ASIC2: variants seen among roughly 807,000 people sequenced by gnomAD.
ASIC2 encodes the protein acid-sensing ion channel 2.
A neutral mutation model predicts 57.3 loss-of-function variants in ASIC2; 25 were observed. That is an observed-to-expected ratio of 0.44 (90% confidence interval 0.32 to 0.61). ASIC2 has a LOEUF of 0.61. ASIC2 is among the 20% of genes least tolerant of loss of function. ASIC2 has a pLI of 0.06. For synonymous variants in ASIC2, 319 were observed against 307.5 expected (o/e 1.04, Z -0.39); for missense variants, 641 against 738.1 (o/e 0.87, Z 1.52).
intron 1 of ASIC2, among the ~76,000 whole-genome samples, chr17:33,940,532 C>T (rs1916165748): frequency 6.6e-6 from 1 of 152,036 alleles, no homozygotes; most frequent in South Asian, 2.1e-4. Flanking sequence ...ACATCCATCC[C>T]TTCCTTCCTT....
At chr17:33,114,651 T>G (rs1349546401) in intron 1 of ASIC2, among the ~76,000 whole-genome samples, 1 of 152,222 alleles carries the variant, frequency 6.6e-6, no homozygotes, top group African/African-American at 2.4e-5. Context: ...TGCCAAAGCA[T>G]GCCCAGTGCC....
chr17:33,409,635 G>C (rs1445632271), intron 1 of ASIC2, among the ~76,000 whole-genome samples: 2 of 152,192 alleles, frequency 1.3e-5, no homozygotes, highest in Non-Finnish European at 2.9e-5. Flanking sequence ...GTTAGGAGAG[G>C]AGCGTTTGCA....
intron 1 of ASIC2, among the ~76,000 whole-genome samples, chr17:33,714,346 GCAACA>G (rs1909144936): frequency 6.6e-6 from 1 of 152,064 alleles, no homozygotes; most frequent in Non-Finnish European, 1.5e-5. Context: ...AAATTTGGAA[GCAACA>G]CAAATATCCT....
At chr17:33,510,197 TCTAA>T (rs1481654872) in intron 1 of ASIC2, among the ~76,000 whole-genome samples, 3 of 152,198 alleles carry the variant, frequency 2.0e-5, no homozygotes, top group African/African-American at 7.2e-5. Flanking sequence ...AGCAGAGATC[TCTAA>T]CTGATGACCT....
intron 1 of ASIC2, among the ~76,000 whole-genome samples, chr17:33,526,977 A>T (rs1056531741): frequency 2.0e-5 from 3 of 152,062 alleles, no homozygotes; most frequent in African/African-American, 7.2e-5. Context: ...GATTATCTCT[A>T]TTTTCCAGCT....
intron 1 of ASIC2, among the ~76,000 whole-genome samples, chr17:33,503,659 G>C (rs1032359530): frequency 6.6e-6 from 1 of 152,150 alleles, no homozygotes; most frequent in Non-Finnish European, 1.5e-5. Flanking sequence ...TTGGAGCTCA[G>C]TGAGTGGTTG....
chr17:33,726,081 C>CT (rs1909551340), intron 1 of ASIC2, among the ~76,000 whole-genome samples: 6 of 152,184 alleles, frequency 3.9e-5, no homozygotes, highest in Non-Finnish European at 8.8e-5. Flanking sequence ...TGGCCCTGGA[C>CT]AGAAGGTAGA....
At chr17:33,593,552 C>G (rs538292317) in intron 1 of ASIC2, among the ~76,000 whole-genome samples, 2 of 152,282 alleles carry the variant, frequency 1.3e-5, no homozygotes, top group South Asian at 4.1e-4. Flanking sequence ...GCCTCTTGGT[C>G]AGGTTTTCTC....
chr17:33,265,466 C>T (rs1909426054), intron 1 of ASIC2, among the ~76,000 whole-genome samples: 1 of 152,086 alleles, frequency 6.6e-6, no homozygotes, highest in Non-Finnish European at 1.5e-5. Context: ...AATGAGAACA[C>T]ATGGACACAA....
At chr17:33,771,293 G>A (rs925615285) in intron 1 of ASIC2, among the ~76,000 whole-genome samples, 7 of 152,152 alleles carry the variant, frequency 4.6e-5, no homozygotes, top group African/African-American at 1.7e-4. Flanking sequence ...ATTCATCCCA[G>A]GTTGCACAGT....
chr17:33,681,477 C>T (rs754350916), intron 1 of ASIC2, among the ~76,000 whole-genome samples: 2 of 123,158 alleles, frequency 1.6e-5, no homozygotes, highest in Non-Finnish European at 3.2e-5. Flanking sequence ...TTGGGAACTA[C>T]CAGTTTAGGG....
At chr17:34,078,119 C>T (rs1333105683) in intron 1 of ASIC2, among the ~76,000 whole-genome samples, 1 of 152,136 alleles carries the variant, frequency 6.6e-6, no homozygotes, top group Non-Finnish European at 1.5e-5. Flanking sequence ...TCAGTAAAAC[C>T]CTCCATCCCT....
chr17:33,736,391 G>A (rs1219079606), intron 1 of ASIC2, among the ~76,000 whole-genome samples: 2 of 152,034 alleles, frequency 1.3e-5, no homozygotes, highest in Non-Finnish European at 2.9e-5. Flanking sequence ...TTTTGGAAGG[G>A]AAATACATTT....
At chr17:34,048,096 T>A (rs1908407199) in intron 1 of ASIC2, among the ~76,000 whole-genome samples, 1 of 152,150 alleles carries the variant, frequency 6.6e-6, no homozygotes, top group Non-Finnish European at 1.5e-5. Flanking sequence ...CGGAAGCCCA[T>A]CCATTGGGAG....
Position 34,137,148 on chromosome 17 carries a change from ATTAT to A in ASIC2, c.555+18826_555+18829del, listed in dbSNP as rs1386396254. Among the ~76,000 whole-genome samples the A allele has an allele frequency of 5.9e-5, 9 of 152,336 alleles. No homozygotes were observed. The South Asian group carries it at 8.3e-4, about 14-fold the overall frequency. The stretch of plus-strand genomic sequence containing the variant: ...TTCTTTCATGACAGTTCTAATTAAA[ATTAT>A]TTGTTTGTATATCTGTAACCTTCTA... On this transcript the variant is annotated intron_variant, in intron 1 of 9. Coordinates refer to the ASIC2 transcript ENST00000359872.
In ASIC2 at chr17:33,942,052, A is replaced by G. The variant is rs1916202968; in HGVS notation, c.555+213926T>C. On this transcript the variant is annotated intron_variant, in intron 1 of 9. Coordinates refer to the ASIC2 transcript ENST00000359872. ...GAGGTATCTGGACAAGACTGGCAGG[A>G]AGCTAGGTGCTTTGAGTAGGCTGCA... is the stretch of plus-strand genomic sequence containing the variant. Among the ~76,000 whole-genome samples, 4 of 152,180 alleles carry G rather than the reference A, an allele frequency of 2.6e-5. No homozygotes were observed. The South Asian group carries it at 8.3e-4, about 32-fold the overall frequency.
intron 1 of ASIC2, among the ~76,000 whole-genome samples, chr17:33,158,078 C>A (rs1905058856): frequency 6.6e-6 from 1 of 152,200 alleles, no homozygotes; most frequent in South Asian, 2.1e-4. Context: ...GGAAATGAAC[C>A]CACCAGCACA....
chr17:33,489,526 C>G (rs1411763431), intron 1 of ASIC2, among the ~76,000 whole-genome samples: 4 of 152,156 alleles, frequency 2.6e-5, no homozygotes. Context: ...GATTGCCAGC[C>G]CCCACCCAAG....
chr17:33,220,880 C>A (rs553967641), intron 1 of ASIC2, among the ~76,000 whole-genome samples: 22 of 152,090 alleles, frequency 1.4e-4, no homozygotes, highest in Non-Finnish European at 2.5e-4. Flanking sequence ...CCAGGCTGGG[C>A]AATATGATGA....
Sources: allele counts gnomAD v4.1 joint callset (sites outside exome capture counted in the v4.1 genomes callset), GRCh38; gene constraint gnomAD v4.1.1; transcripts MANE v1.5; gene names NCBI Gene and HGNC (gene_info 2026-07-23, HGNC 2026-07-21).